The following CCSER1 variants were observed in gnomAD, a reference collection of about 807,000 sequenced individuals.
The protein encoded by CCSER1 is coiled-coil serine rich protein 1.
A neutral mutation model predicts 82.0 loss-of-function variants in CCSER1; 41 were observed. The observed-to-expected ratio is 0.50, with a 90% CI of 0.39 to 0.65. The LOEUF is 0.65. Among genes scored for constraint, CCSER1 ranks in the 30% least tolerant of loss-of-function variants. The pLI, the probability that CCSER1 is intolerant of heterozygous loss-of-function variation, is 0.00. For synonymous variants in CCSER1, 414 were observed against 383.9 expected, an observed-to-expected ratio of 1.08 and a Z score of -0.92; for missense variants, 1,119 against 1,064.2, an observed-to-expected ratio of 1.05 and a Z score of -0.72.
At chr4:90,601,539 TG>T (rs1784041182) in intron 5 of CCSER1, among the ~76,000 whole-genome samples, 1 of 152,126 alleles carries the variant, frequency 6.6e-6, no homozygotes, top group African/African-American at 2.4e-5. Context: ...TTTCTTTACT[TG>T]TATGCTATTT....
chr4:90,640,222 T>C (rs954135474), intron 6 of CCSER1, among the ~76,000 whole-genome samples: 1 of 152,146 alleles, frequency 6.6e-6, no homozygotes, highest in African/African-American at 2.4e-5. Flanking sequence ...AGTCAAAGCC[T>C]AGAATAGAAA....
At chr4:90,373,008 G>A (rs1451618536) in intron 3 of CCSER1, among the ~76,000 whole-genome samples, 4 of 151,800 alleles carry the variant, frequency 2.6e-5, no homozygotes, top group Non-Finnish European at 5.9e-5. Context: ...ACTTTATTAA[G>A]TCACACTACT....
chr4:90,539,812 G>A (rs1213537186), intron 5 of CCSER1, among the ~76,000 whole-genome samples: 1 of 152,076 alleles, frequency 6.6e-6, no homozygotes, highest in African/African-American at 2.4e-5. Flanking sequence ...TTATAAGAAA[G>A]TACAAATACA....
intron 10 of CCSER1, among the ~76,000 whole-genome samples, chr4:91,143,239 G>T (rs1216241811): frequency 6.7e-6 from 1 of 149,036 alleles, no homozygotes; most frequent in Non-Finnish European, 1.5e-5. Flanking sequence ...TGTGTGTGCG[G>T]CTATTGTGAA....
chr4:90,549,807 T>C (rs1777231910), intron 5 of CCSER1, among the ~76,000 whole-genome samples: 1 of 151,932 alleles, frequency 6.6e-6, no homozygotes, highest in African/African-American at 2.4e-5. Flanking sequence ...AAGGAAACTG[T>C]TCTATAGGAG....
chr4:90,411,271 T>G (rs1374537542), intron 4 of CCSER1, among the ~76,000 whole-genome samples: 1 of 152,170 alleles, frequency 6.6e-6, no homozygotes, highest in African/African-American at 2.4e-5. Context: ...CTAACTCATT[T>G]TATGAGGCCA....
intron 8 of CCSER1, among the ~76,000 whole-genome samples, chr4:90,868,499 A>C (rs1387252315): frequency 6.6e-6 from 1 of 152,024 alleles, no homozygotes; most frequent in Admixed American, 6.6e-5. Context: ...GATGACCTCC[A>C]GTTCCATCCA....
At chr4:90,844,551 T>C (rs1580744722) in intron 8 of CCSER1, among the ~76,000 whole-genome samples, 1 of 152,122 alleles carries the variant, frequency 6.6e-6, no homozygotes, top group Non-Finnish European at 1.5e-5. Context: ...CTTCCCCCAA[T>C]TAATTTTACA....
intron 1 of CCSER1, among the ~76,000 whole-genome samples, chr4:90,168,799 T>TAG: frequency 9.6e-6 from 1 of 104,512 alleles, no homozygotes; most frequent in African/African-American, 4.7e-5. Context: ...TATGTGGCAT[T>TAG]ATTTCTGAGG....
At chr4:91,432,010 G>A (rs1754355752) in intron 10 of CCSER1, among the ~76,000 whole-genome samples, 1 of 151,190 alleles carries the variant, frequency 6.6e-6, no homozygotes, top group Non-Finnish European at 1.5e-5. Flanking sequence ...GGAGGGACCT[G>A]GTGGGAGGTG....
intron 5 of CCSER1, among the ~76,000 whole-genome samples, chr4:90,527,269 CA>C (rs1195342923): frequency 6.6e-6 from 1 of 152,068 alleles, no homozygotes; most frequent in Non-Finnish European, 1.5e-5. Context: ...ACAACCCCAT[CA>C]AAAAATGGGC....
intron 10 of CCSER1, among the ~76,000 whole-genome samples, chr4:91,568,892 G>A (rs1030196580): frequency 1.3e-5 from 2 of 152,092 alleles, no homozygotes; most frequent in African/African-American, 2.4e-5. Context: ...GAAATGGTGA[G>A]GTCATTTGGA....
At chr4:90,927,544 A>G (rs543725803) in intron 9 of CCSER1, among the ~76,000 whole-genome samples, 16 of 152,134 alleles carry the variant, frequency 1.1e-4, no homozygotes, top group Admixed American at 5.2e-4. Context: ...TCAGTTTGTT[A>G]ATGGATGCTC....
At chr4:90,853,936 C>T (rs973369558) in intron 8 of CCSER1, among the ~76,000 whole-genome samples, 3 of 152,024 alleles carry the variant, frequency 2.0e-5, no homozygotes, top group Admixed American at 6.6e-5. Context: ...ATTATAAAAG[C>T]CAATAAACCC....
chr4:91,138,837 T>G (rs1728742300), intron 10 of CCSER1, among the ~76,000 whole-genome samples: 2 of 151,722 alleles, frequency 1.3e-5, no homozygotes, highest in Non-Finnish European at 2.9e-5. Flanking sequence ...CATGAAAAAA[T>G]GCTCATCATC....
chr4:90,603,343 T>C (rs992312690), intron 5 of CCSER1, among the ~76,000 whole-genome samples: 15 of 152,166 alleles, frequency 9.9e-5, no homozygotes, highest in Admixed American at 9.8e-4. Flanking sequence ...TGAAAGCTAT[T>C]GGGAAAACTC....
chr4:90,331,561 C>A (rs1739290853), intron 3 of CCSER1, among the ~76,000 whole-genome samples: 1 of 152,156 alleles, frequency 6.6e-6, no homozygotes, highest in Non-Finnish European at 1.5e-5. Context: ...AGGCTCCTTT[C>A]CCACAAGGAC....
chr4:90,294,753 A>C (rs1293273566), intron 1 of CCSER1, among the ~76,000 whole-genome samples: 1 of 152,062 alleles, frequency 6.6e-6, no homozygotes, highest in African/African-American at 2.4e-5. Context: ...GCATCGTATT[A>C]CATATAACAC....
At chr4:91,382,108 C>T (rs1192196015) in intron 10 of CCSER1, among the ~76,000 whole-genome samples, 2 of 152,154 alleles carry the variant, frequency 1.3e-5, no homozygotes, top group African/African-American at 2.4e-5. Context: ...CCTAGTCGTT[C>T]CTCTGGAAGC....
Sources: allele counts gnomAD v4.1 joint callset (sites outside exome capture counted in the v4.1 genomes callset), GRCh38; gene constraint gnomAD v4.1.1; transcripts MANE v1.5; gene names NCBI Gene and HGNC (gene_info 2026-07-23, HGNC 2026-07-21).